The following EYA1 variants were observed in gnomAD, a reference collection of about 807,000 sequenced individuals.
EYA1 encodes the protein protein phosphatase EYA1.
A neutral mutation model predicts 82.0 loss-of-function variants in EYA1; 16 were observed. The observed-to-expected ratio is 0.20, with a 90% confidence interval of 0.13 to 0.30. EYA1 has a LOEUF of 0.30. EYA1 is among the 10% of genes least tolerant of loss of function. EYA1 has a pLI of 1.00. For missense variants in EYA1, 633 were observed against 730.7 expected (o/e 0.87, Z 1.54); for synonymous variants, 261 against 264.4 (o/e 0.99, Z 0.12).
chr8:71,413,772 G>A (rs2129143005), intron 2 of EYA1, among the ~76,000 whole-genome samples: 1 of 152,280 alleles, frequency 6.6e-6, no homozygotes, highest in African/African-American at 2.4e-5. Flanking sequence ...GATTAGGTAT[G>A]TTTCTGTCCT....
rs79185072 is a variant in EYA1 at position 71,444,673 on chromosome 8, G to A, written c.34-88162C>T. Among the ~76,000 whole-genome samples the A allele has an allele frequency of 1.4e-3, 218 of 151,678 alleles. 2 individuals carry two copies. The highest frequency in any genetic ancestry group is 5.0e-3 in the African/African-American group (207 of 41,306). On this transcript the variant is annotated intron_variant, in intron 2 of 18. Coordinates refer to the EYA1 transcript ENST00000643681. ...CCGTATGTACTTCTTGCATACAGCA[G>A]GTATCTGATATAACACCAAGCCTAC...
At chr8:71,266,009 AC>A (rs1815753062) in intron 11 of EYA1, among the ~76,000 whole-genome samples, 1 of 152,062 alleles carries the variant, frequency 6.6e-6, no homozygotes, top group African/African-American at 2.4e-5. Context: ...ACATTCTCAA[AC>A]TTTTTTTTGG....
At chr8:71,441,796 G>T (rs1806452965) in intron 2 of EYA1, among the ~76,000 whole-genome samples, 1 of 152,100 alleles carries the variant, frequency 6.6e-6, no homozygotes. Context: ...CAGTGCAATG[G>T]TATTTAGAAG....
At chr8:71,381,672 C>T (rs951764458) in intron 2 of EYA1, among the ~76,000 whole-genome samples, 8 of 152,298 alleles carry the variant, frequency 5.3e-5, no homozygotes, top group African/African-American at 1.7e-4. Context: ...TTGTGAGTAC[C>T]AATCATGCAG....
intron 2 of EYA1, among the ~76,000 whole-genome samples, chr8:71,471,550 T>C (rs1586783420): frequency 6.6e-6 from 1 of 152,096 alleles, no homozygotes; most frequent in East Asian, 1.9e-4. Context: ...TGTTTTCTCA[T>C]AAATAAAACA....
intron 2 of EYA1, among the ~76,000 whole-genome samples, chr8:71,427,104 G>A (rs1467532222): frequency 2.0e-5 from 3 of 152,162 alleles, no homozygotes; most frequent in East Asian, 3.9e-4. Flanking sequence ...TTCCTCTTCC[G>A]TGTGACTGAT....
intron 16 of EYA1, 48 bp from the exon 17 acceptor site, chr8:71,211,304 A>C (rs1409311874): frequency 8.2e-7 from 1 of 1,225,022 alleles, no homozygotes; most frequent in Non-Finnish European, 1.2e-6. Context: ...TGGGTAACCT[A>C]ATGTGACAGT....
intron 3 of EYA1, among the ~76,000 whole-genome samples, chr8:71,336,561 T>G (rs753158522): frequency 1.3e-4 from 20 of 152,238 alleles, no homozygotes; most frequent in Non-Finnish European, 2.6e-4. Flanking sequence ...ACACCAGCTA[T>G]TCTCCATATG....
At chr8:71,377,808 A>G (rs1563550370) in intron 2 of EYA1, among the ~76,000 whole-genome samples, 2 of 152,312 alleles carry the variant, frequency 1.3e-5, no homozygotes, top group Admixed American at 1.3e-4. Flanking sequence ...TGACTTTGCT[A>G]GGTACCTCAC....
chr8:71,395,644 A>G (rs1441776389), intron 2 of EYA1, among the ~76,000 whole-genome samples: 1 of 152,058 alleles, frequency 6.6e-6, no homozygotes, highest in African/African-American at 2.4e-5. Flanking sequence ...GATGAAGCCC[A>G]TTTGATCACG....
chr8:71,545,020 A>C (rs1319170447), intron 1 of EYA1, among the ~76,000 whole-genome samples: 1 of 152,230 alleles, frequency 6.6e-6, no homozygotes, highest in African/African-American at 2.4e-5. Flanking sequence ...AGTCACAGAT[A>C]GAAATGATGA....
intron 12 of EYA1, among the ~76,000 whole-genome samples, chr8:71,221,305 G>A (rs1199497342): frequency 6.7e-6 from 1 of 149,820 alleles, no homozygotes; most frequent in African/African-American, 2.4e-5. Flanking sequence ...TCAAATGGCA[G>A]TGAGGTGGGG....
intron 1 of EYA1, among the ~76,000 whole-genome samples, chr8:71,360,594 C>CA (rs1315055155): frequency 6.6e-6 from 1 of 152,168 alleles, no homozygotes; most frequent in African/African-American, 2.4e-5. Context: ...AGAACTCAAG[C>CA]ATGCAGAAAG....
intron 2 of EYA1, among the ~76,000 whole-genome samples, chr8:71,534,335 C>T (rs1400709188): frequency 3.9e-5 from 6 of 152,146 alleles, no homozygotes; most frequent in Non-Finnish European, 8.8e-5. Context: ...GGGTTGAATT[C>T]GTTTTCTGTT....
At chr8:71,517,782 A>T (rs753528804) in intron 2 of EYA1, among the ~76,000 whole-genome samples, 17 of 149,814 alleles carry the variant, frequency 1.1e-4, no homozygotes, top group Non-Finnish European at 2.2e-4. Context: ...TATATATATC[A>T]AAAATTAAAT....
intron 4 of EYA1, among the ~76,000 whole-genome samples, chr8:71,328,572 T>C (rs1823433891): frequency 1.3e-5 from 2 of 152,210 alleles, no homozygotes; most frequent in African/African-American, 4.8e-5. Context: ...TGAGGCTGCT[T>C]GCTCTTTCAG....
intron 2 of EYA1, among the ~76,000 whole-genome samples, chr8:71,408,431 T>C (rs1180521824): frequency 8.3e-6 from 1 of 119,824 alleles, no homozygotes; most frequent in African/African-American, 3.2e-5. Context: ...GACTGGCAAG[T>C]TGGATAAAGA....
chr8:71,233,389 C>T (rs901225169), intron 12 of EYA1, among the ~76,000 whole-genome samples: 1 of 151,722 alleles, frequency 6.6e-6, no homozygotes, highest in Non-Finnish European at 1.5e-5. Context: ...ACAGTGAAAC[C>T]CCGTCTCTAC....
intron 2 of EYA1, among the ~76,000 whole-genome samples, chr8:71,391,606 A>C (rs969748148): frequency 1.3e-5 from 2 of 152,000 alleles, no homozygotes; most frequent in African/African-American, 2.4e-5. Context: ...TTTTATTTTT[A>C]ATTTTGTTTA....
Sources: allele counts gnomAD v4.1 joint callset (sites outside exome capture counted in the v4.1 genomes callset), GRCh38; gene constraint gnomAD v4.1.1; transcripts MANE v1.5; gene names NCBI Gene and HGNC (gene_info 2026-07-23, HGNC 2026-07-21).